The following FAM53A variants were observed in gnomAD, a reference collection of about 807,000 sequenced individuals.
FAM53A encodes the protein protein FAM53A.
FAM53A carries 28 observed loss-of-function variants against 26.6 expected under a neutral mutation model. The ratio of observed to expected loss-of-function variants is 1.05; its 90% CI spans 0.78 to 1.45. The LOEUF (loss-of-function observed/expected upper bound fraction) is 1.45. Ranked by LOEUF, FAM53A falls within the 40% of genes most tolerant of loss-of-function variation. FAM53A has a pLI of 0.00. For missense variants in FAM53A, 650 were observed against 575.8 expected (o/e 1.13, Z -1.32); for synonymous variants, 290 against 253.1 (o/e 1.15, Z -1.38).
chr4:1,582,739 T>C, the FAM53A span, among the ~76,000 whole-genome samples: 1 of 152,110 alleles, frequency 6.6e-6, no homozygotes, highest in African/African-American at 2.4e-5. Context: ...TCTGTAGTCC[T>C]AGCTACTAGA....
chr4:1,666,781 C>T (rs564722805), intron 2 of FAM53A, among the ~76,000 whole-genome samples: 44 of 152,398 alleles, frequency 2.9e-4, no homozygotes, highest in Non-Finnish European at 6.0e-4. Context: ...GTGGGCGGAT[C>T]ACTGACCAGC....
chr4:1,636,374 G>C (rs55730140), downstream of FAM53A, among the ~76,000 whole-genome samples: 1 of 152,080 alleles, frequency 6.6e-6, no homozygotes, highest in Non-Finnish European at 1.5e-5. Context: ...AGAGGATTAC[G>C]AGACCTCTGC....
At chr4:1,634,632 T>C (rs1469518328) in intron 1 of FAM53A, among the ~76,000 whole-genome samples, 1 of 152,000 alleles carries the variant, frequency 6.6e-6, no homozygotes. Context: ...GCATGGTGGC[T>C]CACGCCTGTA....
chr4:1,633,973 C>T (rs1303053956), intron 1 of FAM53A, among the ~76,000 whole-genome samples: 1 of 152,178 alleles, frequency 6.6e-6, no homozygotes, highest in Non-Finnish European at 1.5e-5. Context: ...GGCAATGAGG[C>T]TGTGGCTGGG....
At chr4:1,591,443 C>A in the FAM53A span, among the ~76,000 whole-genome samples, 2 of 152,138 alleles carry the variant, frequency 1.3e-5, no homozygotes, top group South Asian at 2.1e-4. Context: ...AGAGAGAATG[C>A]GCATGCACAT....
At chr4:1,668,624 C>T (rs1332001684) in intron 2 of FAM53A, 43 bp downstream of exon 2, 28 of 1,609,976 alleles carry the variant, frequency 1.7e-5, no homozygotes, top group South Asian at 4.4e-5. Context: ...TGTGACAGCA[C>T]GGGGGAGGGG....
the FAM53A span, among the ~76,000 whole-genome samples, chr4:1,598,086 C>T: frequency 5.3e-5 from 8 of 152,256 alleles, no homozygotes; most frequent in Non-Finnish European, 8.8e-5. Flanking sequence ...AGCCAAGCTG[C>T]ATCCCCAGGC....
At chr4:1,613,878 T>G (rs1714713558), downstream of FAM53A, among the ~76,000 whole-genome samples, 1 of 152,154 alleles carries the variant, frequency 6.6e-6, no homozygotes, top group Admixed American at 6.5e-5. Flanking sequence ...TGGAGAACAG[T>G]ACCTGTACCT....
At chr4:1,577,096 G>A in the FAM53A span, among the ~76,000 whole-genome samples, 9 of 151,880 alleles carry the variant, frequency 5.9e-5, no homozygotes, top group African/African-American at 2.2e-4. Flanking sequence ...GGCACTTCCC[G>A]CACCAGGGTG....
intron 2 of FAM53A, among the ~76,000 whole-genome samples, chr4:1,666,481 C>T (rs185093727): frequency 6.9e-4 from 105 of 152,322 alleles, no homozygotes; most frequent in African/African-American, 2.4e-3. Context: ...GCACAGAGGT[C>T]GTGGGGGCCC....
At chr4:1,575,181 A>C in the FAM53A span, among the ~76,000 whole-genome samples, 1 of 152,154 alleles carries the variant, frequency 6.6e-6, no homozygotes, top group Non-Finnish European at 1.5e-5. Flanking sequence ...ACTGCATGGG[A>C]CATACCCAGC....
chr4:1,593,087 T>G, the FAM53A span, among the ~76,000 whole-genome samples: 63,540 of 151,998 alleles, frequency 0.42, 13,682 homozygotes, highest in African/African-American at 0.47. Context: ...AGGGTCGGGC[T>G]TTCTCCGCCG....
downstream of FAM53A, among the ~76,000 whole-genome samples, chr4:1,637,003 G>A (rs1475563808): frequency 2.0e-5 from 3 of 152,190 alleles, no homozygotes; most frequent in Non-Finnish European, 4.4e-5. Flanking sequence ...ATGCGGCGGC[G>A]AGCACGAGAA....
chr4:1,598,602 C>T, the FAM53A span, among the ~76,000 whole-genome samples: 1 of 152,166 alleles, frequency 6.6e-6, no homozygotes, highest in Non-Finnish European at 1.5e-5. Context: ...CCTTCTGGAA[C>T]GCACCCCCTC....
At chr4:1,615,751 T>G (rs1029748720), downstream of FAM53A, among the ~76,000 whole-genome samples, 1 of 152,198 alleles carries the variant, frequency 6.6e-6, no homozygotes, top group Non-Finnish European at 1.5e-5. Context: ...AAGTACTGAT[T>G]TGGGGGTTGC....
Position 1,659,693 on chromosome 4 carries a change from C to G in FAM53A, c.76-2225G>C, listed in dbSNP as rs187963098. Among the ~76,000 whole-genome samples, 689 of 152,330 alleles carry G rather than the reference C, an allele frequency of 4.5e-3. 5 individuals are homozygous for G. The highest frequency in any genetic ancestry group is 6.2e-3 in the Non-Finnish European group (423 of 68,030). On this transcript the variant is annotated intron_variant, in intron 2 of 4. Coordinates refer to ENST00000308132, the MANE Select transcript of FAM53A (RefSeq NM_001174070.3). This position sits in a 1 kb window ranked among gnomAD's most constrained non-coding sequence, Gnocchi z 5.2. ...TCAGGCAGGGGGCTTGTCAAAAACA[C>G]TTATTCCTCACAGTCCTGGAGGCAG...
the FAM53A span, among the ~76,000 whole-genome samples, chr4:1,593,889 A>C: frequency 6.6e-6 from 1 of 152,192 alleles, no homozygotes; most frequent in African/African-American, 2.4e-5. Context: ...GCAACAATTA[A>C]ATTTAGAACA....
chr4:1,635,549 T>C (rs374125642), downstream of FAM53A, among the ~76,000 whole-genome samples: 70 of 152,304 alleles, frequency 4.6e-4, 1 homozygote, highest in African/African-American at 1.7e-3. Flanking sequence ...GTGCTAGGAC[T>C]GCAGGCGCCA....
At chr4:1,614,078 C>T (rs76051140), downstream of FAM53A, among the ~76,000 whole-genome samples, 3,750 of 152,262 alleles carry the variant, frequency 0.025, 135 homozygotes, top group African/African-American at 0.07. Flanking sequence ...CAGATGAATG[C>T]GGCCAGTCAC....
Sources: allele counts gnomAD v4.1 joint callset (sites outside exome capture counted in the v4.1 genomes callset), GRCh38; gene constraint gnomAD v4.1.1; non-coding constraint Gnocchi (gnomAD v3.1); transcripts MANE v1.5; gene names NCBI Gene and HGNC (gene_info 2026-07-23, HGNC 2026-07-21).